The following APBB1IP variants were observed in gnomAD, a reference collection of about 807,000 sequenced individuals.
APBB1IP encodes amyloid beta A4 precursor protein-binding family B member 1-interacting protein.
A neutral mutation model predicts 64.9 loss-of-function variants in APBB1IP; 27 were observed. The observed-to-expected ratio is 0.42, with a 90% CI of 0.31 to 0.57. APBB1IP has a LOEUF of 0.57. APBB1IP is among the 20% of genes least tolerant of loss of function. The pLI, the probability that APBB1IP is intolerant of heterozygous loss-of-function variation, is 0.20. For missense variants in APBB1IP, 812 were observed against 845.5 expected (o/e 0.96, Z 0.49); for synonymous variants, 392 against 331.0 (o/e 1.18, Z -2.00).
At chr10:26,559,658 A>G (rs1836942072) in intron 11 of APBB1IP, among the ~76,000 whole-genome samples, 1 of 142,596 alleles carries the variant, frequency 7.0e-6, no homozygotes, top group Non-Finnish European at 1.5e-5. Context: ...GTCTTGGTCT[A>G]TCACCCAGGC....
chr10:26,462,230 A>C (rs1296700836), intron 2 of APBB1IP, among the ~76,000 whole-genome samples: 1 of 152,178 alleles, frequency 6.6e-6, no homozygotes, highest in African/African-American at 2.4e-5. Flanking sequence ...ACTGTTTATA[A>C]ATTTAAGATC....
At chr10:26,539,220 G>A (rs886386552) in intron 10 of APBB1IP, among the ~76,000 whole-genome samples, 1 of 152,100 alleles carries the variant, frequency 6.6e-6, no homozygotes, top group African/African-American at 2.4e-5. Flanking sequence ...AGACCAGCCT[G>A]AGAAACATAG....
chr10:26,532,371 T>G (rs1442199389), intron 8 of APBB1IP, among the ~76,000 whole-genome samples: 2 of 152,244 alleles, frequency 1.3e-5, no homozygotes, highest in Non-Finnish European at 2.9e-5. Context: ...CCCTTTATTT[T>G]TAGCCATCCT....
chr10:26,446,938 G>T (rs1386581193), intron 2 of APBB1IP, among the ~76,000 whole-genome samples: 1 of 152,154 alleles, frequency 6.6e-6, no homozygotes, highest in Admixed American at 6.5e-5. Flanking sequence ...AGTCTAGTGG[G>T]AAAGACAGGC....
At chr10:26,484,878 ATAAT>A (rs1198861189) in intron 2 of APBB1IP, among the ~76,000 whole-genome samples, 1 of 152,230 alleles carries the variant, frequency 6.6e-6, no homozygotes, top group African/African-American at 2.4e-5. Flanking sequence ...GAATTAAGAA[ATAAT>A]TAAGATAGAA....
intron 2 of APBB1IP, among the ~76,000 whole-genome samples, chr10:26,449,584 A>G (rs1002320039): frequency 1.3e-5 from 2 of 152,168 alleles, no homozygotes; most frequent in African/African-American, 4.8e-5. Flanking sequence ...AGTTGAATAG[A>G]AGTATTGGCA....
In APBB1IP at chr10:26,526,862, T is replaced by C. The variant is rs376065937; in HGVS notation, c.814-6577T>C. Among the ~76,000 whole-genome samples, 7 of 152,238 alleles carry C rather than the reference T, an allele frequency of 4.6e-5. No individual in the cohort carries two copies. In the East Asian group the frequency reaches 1.2e-3, roughly 25 times the overall value. ...TATTGATATTTTAGGCAACTTTTAT[T>C]CCACAGATTATTCTGTTTCTTAACT... On this transcript the variant is annotated intron_variant, in intron 8 of 14. Transcript: ENST00000376236.
chr10:26,510,187 C>A (rs888894930), intron 6 of APBB1IP, among the ~76,000 whole-genome samples: 7 of 152,140 alleles, frequency 4.6e-5, no homozygotes, highest in Non-Finnish European at 1.0e-4. Context: ...TCAGGCTGGC[C>A]TTGAATTCCT....
chr10:26,567,464 AAAG>A lies in APBB1IP; in HGVS notation c.1982_1984del (p.Lys661del), dbSNP rs770274550. On this transcript the variant is annotated inframe_deletion, in exon 15 of 15. Transcript: ENST00000376236. ...TGTCAGACCTCATGAAAGCTTTGCA[AAAG>A]AAGAGAGGCAACGTGTCCTAGGGAC... The A allele has an allele frequency of 2.5e-6, 4 of 1,596,130 alleles. No homozygotes were observed.
At chr10:26,551,375 G>A (rs1564376373) in intron 11 of APBB1IP, among the ~76,000 whole-genome samples, 2 of 152,158 alleles carry the variant, frequency 1.3e-5, no homozygotes. Flanking sequence ...TCAGGGGAGG[G>A]GCAACATAGT....
chr10:26,535,125 G>T (rs1313283692), intron 9 of APBB1IP, among the ~76,000 whole-genome samples: 1 of 151,852 alleles, frequency 6.6e-6, no homozygotes, highest in Non-Finnish European at 1.5e-5. Flanking sequence ...TTATTCTATT[G>T]ATTTTTAAAA....
At chr10:26,456,187 A>T (rs564763503) in intron 2 of APBB1IP, among the ~76,000 whole-genome samples, 26 of 152,230 alleles carry the variant, frequency 1.7e-4, no homozygotes, top group Non-Finnish European at 3.1e-4. Flanking sequence ...CCCTGTGAAT[A>T]TGCCAGAACC....
intron 2 of APBB1IP, among the ~76,000 whole-genome samples, chr10:26,480,465 C>G (rs1835821780): frequency 6.6e-6 from 1 of 151,924 alleles, no homozygotes; most frequent in African/African-American, 2.4e-5. Flanking sequence ...TCAGGAAAGC[C>G]AAGTGAAGAA....
intron 2 of APBB1IP, among the ~76,000 whole-genome samples, chr10:26,447,374 CAAAAAAAAAA>C (rs55948326): frequency 1.8e-5 from 1 of 55,028 alleles, no homozygotes; most frequent in East Asian, 5.1e-4. Flanking sequence ...GACTCCGTCT[CAAAAAAAAAA>C]AAAAAAAAAA....
At chr10:26,492,251 A>C in intron 2 of APBB1IP, 76 bp from the exon 3 acceptor site, 1 of 1,340,172 alleles carries the variant, frequency 7.5e-7, no homozygotes, top group Non-Finnish European at 1.1e-6. Flanking sequence ...TCTTGGGGGA[A>C]AGAGAGGGAT....
At chr10:26,442,660 G>A (rs1357517234) in intron 2 of APBB1IP, among the ~76,000 whole-genome samples, 1 of 152,186 alleles carries the variant, frequency 6.6e-6, no homozygotes, top group African/African-American at 2.4e-5. Flanking sequence ...ATTATGAAAT[G>A]TTTCATATCT....
chr10:26,439,932 G>A (rs1188020680), intron 2 of APBB1IP, among the ~76,000 whole-genome samples: 1 of 152,196 alleles, frequency 6.6e-6, no homozygotes, highest in Non-Finnish European at 1.5e-5. Context: ...CTGGAATAAT[G>A]GGTGGCACAT....
rs181577346 is a variant in APBB1IP, at chr10:26,459,387, C to T, written c.-1+20534C>T. ...CAAGTTTTGCTATTGTGAATAGTGCCGCAATAAACATACGTGTCATGTGTC... is the reference window on the plus strand; with the variant it reads ...CAAGTTTTGCTATTGTGAATAGTGCTGCAATAAACATACGTGTCATGTGTC... On this transcript the variant is annotated intron_variant, in intron 2 of 14. Coordinates refer to ENST00000376236, the MANE Select transcript of APBB1IP (RefSeq NM_019043.4). Among the ~76,000 whole-genome samples, 55 of 151,998 alleles carry T rather than the reference C, an allele frequency of 3.6e-4. No individual in the cohort carries two copies. The East Asian group carries it at 6.8e-3, about 19-fold the overall frequency.
At chr10:26,440,775 G>T (rs1168787515) in intron 2 of APBB1IP, among the ~76,000 whole-genome samples, 1 of 152,030 alleles carries the variant, frequency 6.6e-6, no homozygotes, top group Non-Finnish European at 1.5e-5. Flanking sequence ...ATCAATCAAA[G>T]TTTTAAATAG....
Sources: gnomAD v4.1 joint callset for allele counts (sites outside exome capture counted in the v4.1 genomes callset) on GRCh38, gnomAD v4.1.1 for gene constraint, MANE v1.5 for transcripts, NCBI Gene and HGNC (gene_info 2026-07-23, HGNC 2026-07-21) for gene names.